The following TBX6 variants were observed in gnomAD, a reference collection of about 807,000 sequenced individuals.
The protein encoded by TBX6 is T-box transcription factor 6, also known as T-box transcription factor TBX6.
In TBX6, 29 loss-of-function variants were observed where a neutral mutation model predicts 42.3. The observed-to-expected ratio is 0.69, with a 90% CI of 0.51 to 0.93. TBX6 has a LOEUF of 0.93. TBX6 is among the 40% of genes least tolerant of loss of function. TBX6 has a pLI of 0.00. For missense variants in TBX6, 569 were observed against 603.3 expected (o/e 0.94, Z 0.59); for synonymous variants, 249 against 245.1 (o/e 1.02, Z -0.15).
Position 30,088,158 on chromosome 16 carries a change from G to A in TBX6, c.839+387C>T, listed in dbSNP as rs1039248968. On this transcript the variant is annotated intron_variant, in intron 6 of 8. Coordinates refer to ENST00000395224, the MANE Select transcript of TBX6 (RefSeq NM_004608.4). This position sits in a 1 kb window ranked among gnomAD's most constrained non-coding sequence, Gnocchi z 4.1. ...TTCACCATGTTGGCAGGCTGGTCTCGAACTCCTGGCCTCAGGTGATCTGCC... is the reference window on the plus strand; with the variant it reads ...TTCACCATGTTGGCAGGCTGGTCTCAAACTCCTGGCCTCAGGTGATCTGCC... The A allele has an allele frequency of 3.1e-5, 8 of 254,780 alleles. No homozygotes were observed. The highest frequency in any genetic ancestry group is 2.3e-4 in the South Asian group (6 of 25,738). The allele number at this position is 254,780 out of a possible 1,614,324, so 15.8% of individuals were successfully genotyped here. A position where few individuals can be genotyped will look rare whatever the true frequency, so the allele number is the denominator to read the frequency against.
chr16:30,085,805 G>C lies in TBX6; in HGVS notation c.*420C>G, dbSNP rs900716956. ...CAGGAGCCCAATGTTTCCTGAGCAT[G>C]GATGGCTTTTGAGTTTTATTAACAA... On this transcript the variant is annotated 3_prime_UTR_variant, in exon 9 of 9. Transcript: ENST00000395224. 5 of 207,984 alleles carry C rather than the reference G, an allele frequency of 2.4e-5. No homozygotes were observed. Among genetic ancestry groups the C allele is most frequent in the African/African-American group, 1.2e-4 (5 of 41,868 alleles). The allele number at this position is 207,984 out of a possible 1,614,324, so 12.9% of individuals were successfully genotyped here. A position where few individuals can be genotyped will look rare whatever the true frequency, so the allele number is the denominator to read the frequency against.
intron 3 of TBX6, among the ~76,000 whole-genome samples, chr16:30,089,799 G>A (rs1268316764): frequency 6.6e-6 from 1 of 151,962 alleles, no homozygotes; most frequent in Admixed American, 6.6e-5. Flanking sequence ...GTGTGGTGGT[G>A]TGTGCCTATA....
Position 30,088,316 on chromosome 16 carries a change from G to A in TBX6, c.839+229C>T. The A allele has an allele frequency of 3.3e-6, 2 of 603,690 alleles. No individual in the cohort carries two copies. The highest frequency in any genetic ancestry group is 2.9e-5 in the East Asian group (1 of 34,434). The allele number at this position is 603,690 out of a possible 1,614,324, so 37.4% of individuals were successfully genotyped here. ...GTCTGCTTGTCTACTCTCCCCACTA[G>A]AAATCAGCTGCATGAGGGCCGGGGC... On this transcript the variant is annotated intron_variant, in intron 6 of 8. Coordinates refer to ENST00000395224, the MANE Select transcript of TBX6 (RefSeq NM_004608.4). This position sits in a 1 kb window ranked among gnomAD's most constrained non-coding sequence, Gnocchi z 4.1.
At chr16:30,089,277 T>G (rs1473429136) in intron 3 of TBX6, 67 bp from the exon 4 acceptor site, 8 of 1,543,592 alleles carry the variant, frequency 5.2e-6, no homozygotes, top group Non-Finnish European at 6.1e-6. Flanking sequence ...CCAGCACCAG[T>G]AACGGGACAT....
chr16:30,086,881 T>C lies in TBX6; in HGVS notation c.840-30A>G, dbSNP rs1244906227. On this transcript the variant is annotated intron_variant, in intron 6 of 8. Transcript: ENST00000395224. This position sits in a 1 kb window ranked among gnomAD's most constrained non-coding sequence, Gnocchi z 4.6. ...GGAACAGTGGTGGTGATGATGATGA[T>C]GATGGTGATGGCCATGGTGATGGTA... The C allele has an allele frequency of 7.5e-6, 12 of 1,602,710 alleles. No individual in the cohort carries two copies. Among genetic ancestry groups the C allele is most frequent in the Non-Finnish European group, 1.0e-5 (12 of 1,175,682 alleles).
Position 30,086,753 on chromosome 16 carries a change from C to T in TBX6, c.913+25G>A. The T allele has an allele frequency of 6.2e-7, 1 of 1,613,658 alleles. No homozygotes were observed. Among genetic ancestry groups the T allele is most frequent in the Non-Finnish European group, 8.5e-7 (1 of 1,179,834 alleles). Reference sequence around the variant, plus strand: ...GAGGATCCCTGTCTCAGGCCTGGCCCCATCGCCATCGGGACTACACTCACC... The same window carrying T: ...GAGGATCCCTGTCTCAGGCCTGGCCTCATCGCCATCGGGACTACACTCACC... On this transcript the variant is annotated intron_variant, in intron 7 of 8. Transcript: ENST00000395224. The surrounding 1 kb of genome is among the most constrained non-coding windows in gnomAD (Gnocchi z 4.6).
chr16:30,086,240 G>A lies in TBX6; in HGVS notation c.1296C>T (p.Ser432=). 6.2e-7 allele frequency: 1 copy of A among 1,611,792 alleles called. No individual in the cohort carries two copies. Among genetic ancestry groups the A allele is most frequent in the Non-Finnish European group, 8.5e-7 (1 of 1,179,654 alleles). ...CAGCAGTGGTTCAGTACATGGGTTTGGAGCCCACATCCAGATAGCCCCCAG... is the reference window on the plus strand; with the variant it reads ...CAGCAGTGGTTCAGTACATGGGTTTAGAGCCCACATCCAGATAGCCCCCAG... The part of the protein sequence containing the change: ...TAPGGYLDVG[S]KPMY The change falls in exon 9 of 9, where the codon TCC becomes TCT. Residue 432 remains serine (S), a synonymous_variant. Coordinates refer to ENST00000395224, the MANE Select transcript of TBX6 (RefSeq NM_004608.4). This position sits in a 1 kb window ranked among gnomAD's most constrained non-coding sequence, Gnocchi z 4.6.
Position 30,086,164 on chromosome 16 carries a change from T to G in TBX6, c.*61A>C. 2 of 1,553,784 alleles carry G rather than the reference T, an allele frequency of 1.3e-6. No individual in the cohort carries two copies. Among genetic ancestry groups the G allele is most frequent in the South Asian group, 1.2e-5 (1 of 85,186 alleles). ...ATGGGGCCGGTGGAGGTGAGGGGGCTCCAGGGCTGGGGGAAGGGAGCGGGA... is the reference window on the plus strand; with the variant it reads ...ATGGGGCCGGTGGAGGTGAGGGGGCGCCAGGGCTGGGGGAAGGGAGCGGGA... On this transcript the variant is annotated 3_prime_UTR_variant, in exon 9 of 9. Transcript: ENST00000395224. The surrounding 1 kb of genome is among the most constrained non-coding windows in gnomAD (Gnocchi z 4.6).
Position 30,086,424 on chromosome 16 carries a change from G to A in TBX6, c.1112C>T (p.Pro371Leu), listed in dbSNP as rs749373395. The A allele has an allele frequency of 1.6e-5, 24 of 1,522,250 alleles. No individual in the cohort carries two copies. Among genetic ancestry groups the A allele is most frequent in the Middle Eastern group, 1.9e-4 (1 of 5,310 alleles). The allele number at this position is 1,522,250 out of a possible 1,614,324, so 94.3% of individuals were successfully genotyped here. A position where few individuals can be genotyped will look rare whatever the true frequency, so the allele number is the denominator to read the frequency against. The change falls in exon 9 of 9, where the codon CCG becomes CTG. Residue 371 changes from proline (P) to leucine (L), a missense_variant. Coordinates refer to ENST00000395224, the MANE Select transcript of TBX6 (RefSeq NM_004608.4). This position sits in a 1 kb window ranked among gnomAD's most constrained non-coding sequence, Gnocchi z 4.6. ...TGAGCGCCCGGAGTCTGGAGCCTCC[G>A]GGAAGCTGGGGCTCCTGACATGGAG... ...SHLPTRSPSF[P>L]EAPDSGRSAP... is the part of the protein sequence containing the mutation.
intron 6 of TBX6, among the ~76,000 whole-genome samples, chr16:30,087,744 C>T (rs2072657332): frequency 6.6e-6 from 1 of 152,130 alleles, no homozygotes; most frequent in Non-Finnish European, 1.5e-5. Context: ...GTGTGCTTTG[C>T]CAGATGCCCA....
chr16:30,086,180 G>A lies in TBX6; in HGVS notation c.*45C>T, dbSNP rs2072623764. On this transcript the variant is annotated 3_prime_UTR_variant, in exon 9 of 9. Transcript: ENST00000395224. This position sits in a 1 kb window ranked among gnomAD's most constrained non-coding sequence, Gnocchi z 4.6. ...TGAGGGGGCTCCAGGGCTGGGGGAA[G>A]GGAGCGGGAGGTTTGTGATGGAGGC... 2 of 1,593,264 alleles carry A rather than the reference G, an allele frequency of 1.3e-6. No homozygotes were observed. The highest frequency in any genetic ancestry group is 4.6e-5 in the East Asian group (2 of 43,858).
chr16:30,086,699 G>A lies in TBX6; in HGVS notation c.914-4C>T, dbSNP rs1441491151. 3.7e-6 allele frequency: 6 copies of A among 1,612,682 alleles called. No individual in the cohort carries two copies. The highest frequency in any genetic ancestry group is 1.3e-5 in the African/African-American group (1 of 74,846). On this transcript the variant is annotated splice_polypyrimidine_tract_variant and splice_region_variant and intron_variant, in intron 7 of 8. Coordinates refer to ENST00000395224, the MANE Select transcript of TBX6 (RefSeq NM_004608.4). The surrounding 1 kb of genome is among the most constrained non-coding windows in gnomAD (Gnocchi z 4.6). The stretch of plus-strand genomic sequence containing the variant: ...TCGCAGGGACCACCTGGTGTGTCTG[G>A]GGAGAGGGAAGGGAGAGGTTGGGCT...
chr16:30,088,763 C>A lies in TBX6; in HGVS notation c.698G>T (p.Trp233Leu), dbSNP rs1197998236. 3 of 1,614,054 alleles carry A rather than the reference C, an allele frequency of 1.9e-6. No individual in the cohort carries two copies. Among genetic ancestry groups the A allele is most frequent in the South Asian group, 1.1e-5 (1 of 91,078 alleles). ...GAAGCGGAAGGAGGCCATGCCCCCC[C>A]AGTGCTGGCTGCAGAGCTGGGCTGC... ...VRAAQLCSQHWGGMASFRFPE... is the reference protein window; with the variant it reads ...VRAAQLCSQHLGGMASFRFPE... The change falls in exon 5 of 9, where the codon TGG becomes TTG. Residue 233 changes from tryptophan (W) to leucine (L), a missense_variant. Physicochemically the swap from Trp to Leu is moderately conservative, Grantham distance 61. Transcript: ENST00000395224. This position sits in a 1 kb window ranked among gnomAD's most constrained non-coding sequence, Gnocchi z 4.1.
rs770512435 is a variant in TBX6 at position 30,086,751 on chromosome 16, C to T, written c.913+27G>A. The T allele has an allele frequency of 6.2e-7, 1 of 1,613,566 alleles. No homozygotes were observed. The highest frequency in any genetic ancestry group is 8.5e-7 in the Non-Finnish European group (1 of 1,179,774). Reference sequence around the variant, plus strand: ...GGGAGGATCCCTGTCTCAGGCCTGGCCCCATCGCCATCGGGACTACACTCA... The same window carrying T: ...GGGAGGATCCCTGTCTCAGGCCTGGTCCCATCGCCATCGGGACTACACTCA... On this transcript the variant is annotated intron_variant, in intron 7 of 8. Coordinates refer to ENST00000395224, the MANE Select transcript of TBX6 (RefSeq NM_004608.4). This position sits in a 1 kb window ranked among gnomAD's most constrained non-coding sequence, Gnocchi z 4.6.
Position 30,091,003 on chromosome 16 carries a change from G to A in TBX6, c.119-11C>T, listed in dbSNP as rs1413512883. The A allele has an allele frequency of 2.5e-6, 4 of 1,609,682 alleles. No individual in the cohort carries two copies. Among genetic ancestry groups the A allele is most frequent in the Non-Finnish European group, 3.4e-6 (4 of 1,178,142 alleles). On this transcript the variant is annotated splice_polypyrimidine_tract_variant and intron_variant, in intron 2 of 8. Coordinates refer to ENST00000395224, the MANE Select transcript of TBX6 (RefSeq NM_004608.4). ...TAGGGGTGTCCAGTTCTGGAAGCCGGGGAAGAATGAGGAGCCAGCCGAGGG... is the reference window on the plus strand; with the variant it reads ...TAGGGGTGTCCAGTTCTGGAAGCCGAGGAAGAATGAGGAGCCAGCCGAGGG...
At chr16:30,090,657 T>A in intron 3 of TBX6, 101 bp downstream of exon 3, 1 of 1,210,276 alleles carries the variant, frequency 8.3e-7, no homozygotes, top group Non-Finnish European at 1.1e-6. Context: ...TAGGCAGAGC[T>A]CTAGCCCCTC....
chr16:30,088,649 G>A lies in TBX6; in HGVS notation c.769-34C>T, dbSNP rs373581281. On this transcript the variant is annotated intron_variant, in intron 5 of 8. Coordinates refer to ENST00000395224, the MANE Select transcript of TBX6 (RefSeq NM_004608.4). This position sits in a 1 kb window ranked among gnomAD's most constrained non-coding sequence, Gnocchi z 4.1. ...ACACATGCAGGGTCAAAGCAACTGC[G>A]GTCTGGGCAGGGGGCCACCACCCCC... is the stretch of plus-strand genomic sequence containing the variant. 1.4e-4 allele frequency: 219 copies of A among 1,614,084 alleles called. No homozygotes were observed. Among genetic ancestry groups the A allele is most frequent in the African/African-American group, 1.3e-3 (98 of 75,028 alleles).
Position 30,086,278 on chromosome 16 carries a change from G to A in TBX6, c.1258C>T (p.Pro420Ser), listed in dbSNP as rs751405198. The part of the protein sequence containing the change: ...HFLQGGPFPL[P>S]YTAPGGYLDV... Reference sequence around the variant, plus strand: ...AGATAGCCCCCAGGCGCGGTGTATGGTAGAGGGAAGGGGCCCCCTTGGAGA... The same window carrying A: ...AGATAGCCCCCAGGCGCGGTGTATGATAGAGGGAAGGGGCCCCCTTGGAGA... The change falls in exon 9 of 9, where the codon CCA becomes TCA. Residue 420 changes from proline to serine, a missense_variant. By Grantham distance (74) the Pro-to-Ser change is moderately conservative (BLOSUM62 -1). Around this residue, in one of 3 missense-constraint regions of TBX6, gnomAD observed 245 missense variants for 227.4 expected, o/e 1.08. Coordinates refer to ENST00000395224, the MANE Select transcript of TBX6 (RefSeq NM_004608.4). The surrounding 1 kb of genome is among the most constrained non-coding windows in gnomAD (Gnocchi z 4.6). 1 of 1,612,088 alleles carries A rather than the reference G, an allele frequency of 6.2e-7. No individual in the cohort carries two copies. The highest frequency in any genetic ancestry group is 8.5e-7 in the Non-Finnish European group (1 of 1,179,612).
At position 30,086,185 on chromosome 16, in the gene TBX6, CG is replaced by C. The variant is rs779166550; in HGVS notation, c.*39del. The C allele has an allele frequency of 4.4e-6, 7 of 1,597,916 alleles. No homozygotes were observed. The South Asian group carries it at 7.8e-5, about 18-fold the overall frequency. On this transcript the variant is annotated 3_prime_UTR_variant, in exon 9 of 9. Transcript: ENST00000395224. The surrounding 1 kb of genome is among the most constrained non-coding windows in gnomAD (Gnocchi z 4.6). ...GGGCTCCAGGGCTGGGGGAAGGGAG[CG>C]GGAGGTTTGTGATGGAGGCAGAGGG...
Sources: gnomAD v4.1 joint callset for allele counts (sites outside exome capture counted in the v4.1 genomes callset) on GRCh38, gnomAD v4.1.1 for gene constraint, gnomAD v4.1.1 regional missense constraint, Gnocchi (gnomAD v3.1) non-coding constraint, MANE v1.5 for transcripts, NCBI Gene and HGNC (gene_info 2026-07-23, HGNC 2026-07-21) for gene names.